The following MAP7D1 variants were observed in gnomAD, a reference collection of about 807,000 sequenced individuals.
MAP7D1 encodes the protein MAP7 domain-containing protein 1.
MAP7D1 carries 30 observed loss-of-function variants against 97.5 expected under a neutral mutation model. The ratio of observed to expected loss-of-function variants is 0.31; its 90% confidence interval spans 0.23 to 0.42. The LOEUF (loss-of-function observed/expected upper bound fraction) is 0.42. Among genes scored for constraint, MAP7D1 ranks in the 10% least tolerant of loss-of-function variants. MAP7D1 has a pLI of 1.00. For missense variants in MAP7D1, 1,184 were observed against 1,179.5 expected (o/e 1.00, Z -0.06); for synonymous variants, 536 against 477.1 (o/e 1.12, Z -1.61).
In MAP7D1 at chr1:36,171,270, TCTC is replaced by T; in HGVS notation, c.348_350del (p.Pro117del). On this transcript the variant is annotated inframe_deletion, in exon 2 of 17. Coordinates refer to ENST00000474796, the MANE Select transcript of MAP7D1 (RefSeq NM_001388490.1). ...ACCTCCTCGAAGGAGCAGCCAGCCA[TCTC>T]CAACAGCAGTGCCAGCCTCCGACAG... 1 of 1,589,844 alleles carries T rather than the reference TCTC, an allele frequency of 6.3e-7. No individual in the cohort carries two copies. The highest frequency in any genetic ancestry group is 8.6e-7 in the Non-Finnish European group (1 of 1,168,322).
chr1:36,158,539 C>G (rs1644367835), intron 1 of MAP7D1, among the ~76,000 whole-genome samples: 2 of 152,184 alleles, frequency 1.3e-5, no homozygotes, highest in South Asian at 4.1e-4. Flanking sequence ...CCCAGTTAGC[C>G]ATGTACTGGC....
At chr1:36,169,277 C>T (rs113467584) in intron 1 of MAP7D1, among the ~76,000 whole-genome samples, 29 of 150,262 alleles carry the variant, frequency 1.9e-4, no homozygotes, top group Admixed American at 8.6e-4. Context: ...AGGCCGGGCG[C>T]GGTGGGCAGT....
intron 6 of MAP7D1, among the ~76,000 whole-genome samples, chr1:36,175,369 A>G (rs1644603714): frequency 6.6e-6 from 1 of 152,132 alleles, no homozygotes; most frequent in Non-Finnish European, 1.5e-5. Context: ...GCCAGGTGGC[A>G]TTGTCCCCAT....
Position 36,178,981 on chromosome 1 carries a change from A to G in MAP7D1, c.2086A>G (p.Lys696Glu). ...EAERQRLERE[K>E]HFQQQEQERQ... ...GGAGCGGCAGCGTCTGGAGCGGGAA[A>G]AGCACTTCCAGCAGCAGGAGCAAGA... The change falls in exon 12 of 17, where the codon AAG (lysine) becomes GAG (glutamate). Residue 696 changes from lysine to glutamate, a missense_variant. Coordinates refer to ENST00000474796, the MANE Select transcript of MAP7D1 (RefSeq NM_001388490.1). 1 of 1,558,944 alleles carries G rather than the reference A, an allele frequency of 6.4e-7. No individual in the cohort carries two copies. Among genetic ancestry groups the G allele is most frequent in the Non-Finnish European group, 8.7e-7 (1 of 1,151,756 alleles).
chr1:36,172,690 T>G, intron 4 of MAP7D1, 63 bp downstream of exon 4: 8 of 1,418,636 alleles, frequency 5.6e-6, no homozygotes, highest in Non-Finnish European at 7.5e-6. Context: ...ACTGGTGCAG[T>G]GTGTACACAC....
intron 3 of MAP7D1, 128 bp downstream of exon 3, chr1:36,171,709 A>T (rs975393217): frequency 6.7e-6 from 6 of 889,174 alleles, no homozygotes; most frequent in Admixed American, 2.1e-5. Context: ...GAGGCGGGCG[A>T]ATCACCTGAG....
intron 1 of MAP7D1, among the ~76,000 whole-genome samples, chr1:36,167,178 C>T (rs1473806160): frequency 6.6e-6 from 1 of 152,154 alleles, no homozygotes; most frequent in Non-Finnish European, 1.5e-5. Flanking sequence ...ATGAGGTCCT[C>T]CACTCAGCCC....
intron 12 of MAP7D1, 104 bp from the exon 13 acceptor site, chr1:36,179,158 C>A: frequency 6.7e-7 from 1 of 1,497,882 alleles, no homozygotes; most frequent in Non-Finnish European, 9.2e-7. Context: ...GAGAGGGCTG[C>A]TATGAGCTGG....
At chr1:36,174,583 A>C (rs1644591126) in intron 5 of MAP7D1, among the ~76,000 whole-genome samples, 1 of 152,102 alleles carries the variant, frequency 6.6e-6, no homozygotes, top group African/African-American at 2.4e-5. Flanking sequence ...CTGGGTGGTT[A>C]TGGGGAGGGG....
In MAP7D1 at chr1:36,156,167, C is replaced by A. The variant is rs1323339868; in HGVS notation, c.-251C>A. The stretch of plus-strand genomic sequence containing the variant: ...CCCGGGCGGTACAATAGGGTTGGGC[C>A]GAGGCCGGGACTGGGCCGGCGCCGG... On this transcript the variant is annotated 5_prime_UTR_variant, in exon 1 of 17. Coordinates refer to ENST00000474796, the MANE Select transcript of MAP7D1 (RefSeq NM_001388490.1). The A allele has an allele frequency of 1.2e-5, 5 of 411,148 alleles. No homozygotes were observed. Among genetic ancestry groups the A allele is most frequent in the African/African-American group, 8.4e-5 (4 of 47,798 alleles). The allele number at this position is 411,148 out of a possible 1,614,324, so 25.5% of individuals were successfully genotyped here.
At chr1:36,169,555 CAA>C (rs780377186) in intron 1 of MAP7D1, among the ~76,000 whole-genome samples, 23 of 96,180 alleles carry the variant, frequency 2.4e-4, no homozygotes, top group African/African-American at 1.2e-4. Context: ...GACTCCGTCT[CAA>C]AAAAAAAAAA....
rs899738440 is a variant in MAP7D1, at chr1:36,156,172, C to T, written c.-246C>T. The T allele has an allele frequency of 7.2e-6, 3 of 414,610 alleles. No homozygotes were observed. Among genetic ancestry groups the T allele is most frequent in the Admixed American group, 4.5e-5 (1 of 22,044 alleles). The allele number at this position is 414,610 out of a possible 1,614,324, so 25.7% of individuals were successfully genotyped here. ...GCGGTACAATAGGGTTGGGCCGAGG[C>T]CGGGACTGGGCCGGCGCCGGGCGGG... is the stretch of plus-strand genomic sequence containing the variant. On this transcript the variant is annotated 5_prime_UTR_variant, in exon 1 of 17. Transcript: ENST00000474796.
rs1318803928 is a variant in MAP7D1, at chr1:36,159,666, G to A, written c.46+3203G>A. On this transcript the variant is annotated intron_variant, in intron 1 of 16. Coordinates refer to ENST00000474796, the MANE Select transcript of MAP7D1 (RefSeq NM_001388490.1). The surrounding 1 kb of genome is among the most constrained non-coding windows in gnomAD (Gnocchi z 5.4). ...TGAATCAGACGGAGTTTTGACTCTT[G>A]GGGAGCTCTTAACGCGGCGAGGAAG... Among the ~76,000 whole-genome samples, 2 of 152,194 alleles carry A rather than the reference G, an allele frequency of 1.3e-5. No individual in the cohort carries two copies. Among genetic ancestry groups the A allele is most frequent in the Non-Finnish European group, 2.9e-5 (2 of 68,036 alleles).
In MAP7D1 at chr1:36,179,014, G is replaced by A. The variant is rs1192111843; in HGVS notation, c.2119G>A (p.Glu707Lys). Residue 707 changes from glutamate to lysine, a missense_variant, in exon 12 of 17, where the codon GAG becomes AAG. By Grantham distance (56) the Glu-to-Lys change is moderately conservative. Coordinates refer to ENST00000474796, the MANE Select transcript of MAP7D1 (RefSeq NM_001388490.1). ...CCAGCAGCAGGAGCAAGAGCGGCAAGAGCGCAGAAAGGTGTGCGGACCTGG... is the reference window on the plus strand; with the variant it reads ...CCAGCAGCAGGAGCAAGAGCGGCAAAAGCGCAGAAAGGTGTGCGGACCTGG... ...HFQQQEQERQ[E>K]RRKRLEEIMK... 1.5e-5 allele frequency: 23 copies of A among 1,554,444 alleles called. No homozygotes were observed. Among genetic ancestry groups the A allele is most frequent in the Non-Finnish European group, 2.0e-5 (23 of 1,149,210 alleles).
chr1:36,180,107 A>G, intron 16 of MAP7D1, 40 bp downstream of exon 16: 2 of 1,611,420 alleles, frequency 1.2e-6, no homozygotes, highest in Non-Finnish European at 1.7e-6. Flanking sequence ...CATTCCTCCC[A>G]GCAGCCTTCC....
In MAP7D1 at chr1:36,179,703, G is replaced by C; in HGVS notation, c.2265G>C (p.Leu755=). 1 of 1,515,736 alleles carries C rather than the reference G, an allele frequency of 6.6e-7. No homozygotes were observed. The highest frequency in any genetic ancestry group is 8.8e-7 in the Non-Finnish European group (1 of 1,132,536). The allele number at this position is 1,515,736 out of a possible 1,614,324, so 93.9% of individuals were successfully genotyped here. A position where few individuals can be genotyped will look rare whatever the true frequency, so the allele number is the denominator to read the frequency against. Reference sequence around the variant, plus strand: ...CTGTGGAGGCTCGGTCCCCAGGGCTGCAGAAGGAGGCTGTGCAGAAAGAGG... The same window carrying C: ...CTGTGGAGGCTCGGTCCCCAGGGCTCCAGAAGGAGGCTGTGCAGAAAGAGG... The part of the protein sequence containing the change: ...VKAVEARSPG[L]QKEAVQKEEP... Residue 755 remains leucine (L), a synonymous_variant, in exon 15 of 17, where the codon CTG becomes CTC. Transcript: ENST00000474796.
chr1:36,176,938 TC>T lies in MAP7D1; in HGVS notation c.1379+99del. 1.9e-6 allele frequency: 2 copies of T among 1,029,534 alleles called. No homozygotes were observed. The highest frequency in any genetic ancestry group is 2.9e-6 in the Non-Finnish European group (2 of 697,156). The allele number at this position is 1,029,534 out of a possible 1,614,324, so 63.8% of individuals were successfully genotyped here. ...GGGCAACCACCTCTAGAATGCAACT[TC>T]CCTGAGGGCAGATTCTCTCTGTTTT... On this transcript the variant is annotated intron_variant, in intron 8 of 16. Coordinates refer to ENST00000474796, the MANE Select transcript of MAP7D1 (RefSeq NM_001388490.1). This position sits in a 1 kb window ranked among gnomAD's most constrained non-coding sequence, Gnocchi z 6.1.
chr1:36,176,427 T>A lies in MAP7D1; in HGVS notation c.1079T>A (p.Val360Glu). The part of the protein sequence containing the change: ...DRTHPSAAVP[V>E]CPRSASASPL... ...ACTCATCCCTCTGCAGCCGTGCCGG[T>A]GTGCCCGCGCTCGGCCTCCGCCAGC... Residue 360 changes from valine to glutamate, a missense_variant, in exon 7 of 17, where the codon GTG (valine) becomes GAG (glutamate). Transcript: ENST00000474796. This position sits in a 1 kb window ranked among gnomAD's most constrained non-coding sequence, Gnocchi z 6.1. 6.5e-7 allele frequency: 1 copy of A among 1,528,446 alleles called. No individual in the cohort carries two copies. The highest frequency in any genetic ancestry group is 1.2e-5 in the South Asian group (1 of 83,770). 94.7% of individuals were successfully genotyped at this position (1,528,446 alleles called of 1,614,324 possible). A position where few individuals can be genotyped will look rare whatever the true frequency, so the allele number is the denominator to read the frequency against.
In MAP7D1 at chr1:36,159,051, T is replaced by TTTAA. The variant is rs1388087233; in HGVS notation, c.46+2591_46+2592insATTA. ...TAGCCATTTGTTATTTATTTATTTA[T>TTTAA]TTATTTATTTATTTATTTATTTTGA... On this transcript the variant is annotated intron_variant, in intron 1 of 16. Transcript: ENST00000474796. This position sits in a 1 kb window ranked among gnomAD's most constrained non-coding sequence, Gnocchi z 5.4. Among the ~76,000 whole-genome samples, 2 of 151,306 alleles carry TTTAA rather than the reference T, an allele frequency of 1.3e-5. No individual in the cohort carries two copies. Among genetic ancestry groups the TTTAA allele is most frequent in the Non-Finnish European group, 2.9e-5 (2 of 67,856 alleles).
Sources: allele counts gnomAD v4.1 joint callset (sites outside exome capture counted in the v4.1 genomes callset), GRCh38; gene constraint gnomAD v4.1.1; non-coding constraint Gnocchi (gnomAD v3.1); transcripts MANE v1.5; gene names NCBI Gene and HGNC (gene_info 2026-07-23, HGNC 2026-07-21).